Variants in NXPH2 observed in about 807,000 individuals in gnomAD.
NXPH2 encodes the protein neurexophilin-2.
In NXPH2, 5 loss-of-function variants were observed where a neutral mutation model predicts 19.8. That is an observed-to-expected ratio of 0.25 (90% confidence interval 0.13 to 0.53). The LOEUF (loss-of-function observed/expected upper bound fraction) is 0.53. Ranked by LOEUF, NXPH2 falls within the 20% of genes least tolerant of loss-of-function variation. NXPH2 has a pLI of 0.96. For missense variants in NXPH2, 289 were observed against 322.8 expected, an observed-to-expected ratio of 0.90 and a Z score of 0.80; for synonymous variants, 154 against 127.4, an observed-to-expected ratio of 1.21 and a Z score of -1.41.
intron 1 of NXPH2, among the ~76,000 whole-genome samples, chr2:138,727,158 C>T (rs1681372374): frequency 6.6e-6 from 1 of 151,984 alleles, no homozygotes; most frequent in Admixed American, 6.6e-5. Context: ...CTGGATGTAC[C>T]ACAGTTTATT....
chr2:138,775,337 T>C (rs1391227838), intron 1 of NXPH2, among the ~76,000 whole-genome samples: 1 of 152,130 alleles, frequency 6.6e-6, no homozygotes, highest in Non-Finnish European at 1.5e-5. Context: ...AAGTTTTCAG[T>C]CAATCACATC....
chr2:138,758,212 T>C (rs1681945750), intron 1 of NXPH2, among the ~76,000 whole-genome samples: 1 of 152,092 alleles, frequency 6.6e-6, no homozygotes, highest in Non-Finnish European at 1.5e-5. Context: ...ACAAAGCTGA[T>C]TGCTGATTTT....
At chr2:138,764,900 C>T (rs908035963) in intron 1 of NXPH2, among the ~76,000 whole-genome samples, 3 of 152,148 alleles carry the variant, frequency 2.0e-5, no homozygotes, top group African/African-American at 4.8e-5. Flanking sequence ...CTACTGTAGA[C>T]ACTTAAACTA....
At chr2:138,736,723 C>T (rs1036941258) in intron 1 of NXPH2, among the ~76,000 whole-genome samples, 1 of 152,226 alleles carries the variant, frequency 6.6e-6, no homozygotes, top group Non-Finnish European at 1.5e-5. Flanking sequence ...ATCACATTGT[C>T]AGGCTGCAAA....
chr2:138,744,008 A>C (rs1681688063), intron 1 of NXPH2, among the ~76,000 whole-genome samples: 1 of 151,328 alleles, frequency 6.6e-6, no homozygotes, highest in South Asian at 2.1e-4. Flanking sequence ...ATCTCAAAAA[A>C]AAAAAAAAAA....
intron 1 of NXPH2, among the ~76,000 whole-genome samples, chr2:138,712,082 A>G (rs1294784449): frequency 6.6e-6 from 1 of 152,216 alleles, no homozygotes; most frequent in Non-Finnish European, 1.5e-5. Flanking sequence ...AACTTTGAGC[A>G]GCACATCCTG....
At position 138,780,279 on chromosome 2, in the gene NXPH2, C is replaced by A. The variant is rs1038670486; in HGVS notation, c.-38G>T. On this transcript the variant is annotated 5_prime_UTR_variant, in exon 1 of 2. It adds an upstream start codon to the 5' untranslated region. Transcript: ENST00000272641. Reference sequence around the variant, plus strand: ...CGCGGCTTTTCACGAGCTGCGCGCCCTCGCCTGCCTCTCGCGCATCTCCAC... The same window carrying A: ...CGCGGCTTTTCACGAGCTGCGCGCCATCGCCTGCCTCTCGCGCATCTCCAC... 2.1e-6 allele frequency: 3 copies of A among 1,399,588 alleles called. No individual in the cohort carries two copies. The highest frequency in any genetic ancestry group is 2.8e-6 in the Non-Finnish European group (3 of 1,085,528). The allele number at this position is 1,399,588 out of a possible 1,614,324, so 86.7% of individuals were successfully genotyped here.
intron 1 of NXPH2, among the ~76,000 whole-genome samples, chr2:138,712,719 T>C (rs1681123495): frequency 6.6e-6 from 1 of 152,292 alleles, no homozygotes; most frequent in East Asian, 1.9e-4. Context: ...CCACAAAGCA[T>C]TGGCTATTGT....
Position 138,694,137 on chromosome 2 carries a change from T to C in NXPH2, c.52-22472A>G, listed in dbSNP as rs77879459. Among the ~76,000 whole-genome samples the C allele has an allele frequency of 2.4e-3, 364 of 152,276 alleles. 13 individuals carry two copies. In the East Asian group the frequency reaches 0.064, roughly 27 times the overall value. ...TAAAAAACTGTAACCAGCCAAATAA[T>C]TGCTTTGTCTTATTTCCATATTCAC... is the stretch of plus-strand genomic sequence containing the variant. On this transcript the variant is annotated intron_variant, in intron 1 of 1. Coordinates refer to ENST00000272641, the MANE Select transcript of NXPH2 (RefSeq NM_007226.3).
chr2:138,743,783 A>G (rs1573974632), intron 1 of NXPH2, among the ~76,000 whole-genome samples: 1 of 152,102 alleles, frequency 6.6e-6, no homozygotes, highest in Admixed American at 6.6e-5. Context: ...TGGGCAGATC[A>G]CCTGAGGTTA....
chr2:138,702,494 C>T (rs1680940137), intron 1 of NXPH2, among the ~76,000 whole-genome samples: 1 of 152,120 alleles, frequency 6.6e-6, no homozygotes, highest in South Asian at 2.1e-4. Flanking sequence ...CCAATAGCCT[C>T]TTCTCACCTC....
At chr2:138,778,319 T>C (rs1453173319) in intron 1 of NXPH2, among the ~76,000 whole-genome samples, 2 of 152,156 alleles carry the variant, frequency 1.3e-5, no homozygotes, top group African/African-American at 4.8e-5. Flanking sequence ...AATCCCAAAA[T>C]GGATTAGAAT....
chr2:138,680,229 A>G (rs2104968802), intron 1 of NXPH2, among the ~76,000 whole-genome samples: 3 of 152,266 alleles, frequency 2.0e-5, no homozygotes, highest in South Asian at 4.2e-4. Context: ...TGGTTTTCTT[A>G]ATAGTAAAAT....
intron 1 of NXPH2, among the ~76,000 whole-genome samples, chr2:138,725,813 T>C (rs1295713643): frequency 6.6e-6 from 1 of 152,210 alleles, no homozygotes. Context: ...AAAAAATCCA[T>C]TTACTGTATG....
At chr2:138,723,987 A>C (rs1681319008) in intron 1 of NXPH2, among the ~76,000 whole-genome samples, 1 of 145,266 alleles carries the variant, frequency 6.9e-6, no homozygotes, top group African/African-American at 2.6e-5. Flanking sequence ...GGTTTGTTAC[A>C]TAGATACATT....
chr2:138,711,433 G>A (rs1296563723), intron 1 of NXPH2, among the ~76,000 whole-genome samples: 7 of 151,950 alleles, frequency 4.6e-5, no homozygotes, highest in African/African-American at 9.7e-5. Flanking sequence ...GAGCCACCGC[G>A]CCCGGCCCCT....
intron 1 of NXPH2, among the ~76,000 whole-genome samples, chr2:138,713,683 T>A (rs529477810): frequency 8.7e-4 from 133 of 152,072 alleles, no homozygotes; most frequent in African/African-American, 2.8e-3. Flanking sequence ...GACTGCCTCA[T>A]GATGTGTGTT....
chr2:138,686,557 A>AT (rs201973086), intron 1 of NXPH2, among the ~76,000 whole-genome samples: 1,982 of 134,632 alleles, frequency 0.015, 46 homozygotes, highest in African/African-American at 0.044. Flanking sequence ...ATTTTATTTT[A>AT]TTTTTTTATT....
chr2:138,745,403 T>C (rs1418938544), intron 1 of NXPH2, among the ~76,000 whole-genome samples: 1 of 151,610 alleles, frequency 6.6e-6, no homozygotes. Flanking sequence ...CTAGTGACTA[T>C]TAGTGAGTTA....
Sources: allele counts gnomAD v4.1 joint callset (sites outside exome capture counted in the v4.1 genomes callset), GRCh38; gene constraint gnomAD v4.1.1; transcripts MANE v1.5; gene names NCBI Gene and HGNC (gene_info 2026-07-23, HGNC 2026-07-21).